The following FBXO4 variants were observed in gnomAD, a reference collection of about 807,000 sequenced individuals.
FBXO4 encodes the protein F-box protein 4.
In FBXO4, 36 loss-of-function variants were observed where a neutral mutation model predicts 43.7. The observed-to-expected ratio is 0.82, with a 90% confidence interval of 0.63 to 1.09. FBXO4 has a LOEUF of 1.09. FBXO4 is among the 50% of genes least tolerant of loss of function. The probability of loss-of-function intolerance (pLI) is 0.00; values close to 1 mark genes in which losing one functional copy is unlikely to be tolerated. For synonymous variants in FBXO4, 180 were observed against 165.6 expected (o/e 1.09, Z -0.67); for missense variants, 435 against 474.1 (o/e 0.92, Z 0.77).
At chr5:41,942,466 A>G (rs1249823057), downstream of FBXO4, among the ~76,000 whole-genome samples, 1 of 152,050 alleles carries the variant, frequency 6.6e-6, no homozygotes, top group Non-Finnish European at 1.5e-5. Context: ...AAGATATTAT[A>G]TCTGATGAAT....
chr5:41,982,375 A>C, the FBXO4 span, among the ~76,000 whole-genome samples: 44 of 152,250 alleles, frequency 2.9e-4, 1 homozygote, highest in African/African-American at 8.9e-4. Flanking sequence ...AACAGTGTAA[A>C]AGTGTTCCTA....
At chr5:42,007,596 ATC>A in the FBXO4 span, among the ~76,000 whole-genome samples, 1 of 152,124 alleles carries the variant, frequency 6.6e-6, no homozygotes, top group South Asian at 2.1e-4. Flanking sequence ...CCCTTGCTTA[ATC>A]TCTGTAGCTT....
chr5:42,008,520 C>A, the FBXO4 span, among the ~76,000 whole-genome samples: 6 of 152,084 alleles, frequency 3.9e-5, no homozygotes, highest in African/African-American at 1.2e-4. Context: ...CTAACTGTGA[C>A]CCCTGCTCCT....
the FBXO4 span, among the ~76,000 whole-genome samples, chr5:41,966,088 A>G: frequency 6.6e-6 from 1 of 152,182 alleles, no homozygotes; most frequent in African/African-American, 2.4e-5. Context: ...ATAGGTGGGA[A>G]TTGAACAATG....
the FBXO4 span, among the ~76,000 whole-genome samples, chr5:41,986,460 T>C: frequency 6.6e-6 from 1 of 152,108 alleles, no homozygotes; most frequent in Non-Finnish European, 1.5e-5. Flanking sequence ...TTTCAGAGAA[T>C]TTATTGGTTT....
At chr5:41,968,891 T>C in the FBXO4 span, among the ~76,000 whole-genome samples, 2 of 152,202 alleles carry the variant, frequency 1.3e-5, no homozygotes, top group African/African-American at 4.8e-5. Flanking sequence ...CATGGTATTC[T>C]TACATCTTAT....
the FBXO4 span, among the ~76,000 whole-genome samples, chr5:41,955,670 A>G: frequency 1.7e-4 from 26 of 152,326 alleles, no homozygotes; most frequent in African/African-American, 6.0e-4. Context: ...TACAAAAGAG[A>G]GTGCTGCCTA....
At chr5:41,945,949 C>G (rs569669457), downstream of FBXO4, among the ~76,000 whole-genome samples, 1 of 152,322 alleles carries the variant, frequency 6.6e-6, no homozygotes, top group East Asian at 1.9e-4. Flanking sequence ...GATGCACACA[C>G]TATATTGTAA....
At chr5:42,022,959 A>T in the FBXO4 span, among the ~76,000 whole-genome samples, 1 of 151,880 alleles carries the variant, frequency 6.6e-6, no homozygotes, top group Non-Finnish European at 1.5e-5. Context: ...TACAGGGTTT[A>T]AAAAAAATGA....
At chr5:42,008,614 C>G in the FBXO4 span, among the ~76,000 whole-genome samples, 1 of 152,056 alleles carries the variant, frequency 6.6e-6, no homozygotes, top group Non-Finnish European at 1.5e-5. Flanking sequence ...GGTTATATTG[C>G]CTCTTTGTGT....
the FBXO4 span, among the ~76,000 whole-genome samples, chr5:41,956,250 G>A: frequency 6.6e-6 from 1 of 152,116 alleles, no homozygotes; most frequent in Non-Finnish European, 1.5e-5. Context: ...ACATTAAATA[G>A]AAACATAGAA....
At chr5:41,968,895 A>G in the FBXO4 span, among the ~76,000 whole-genome samples, 1 of 152,172 alleles carries the variant, frequency 6.6e-6, no homozygotes, top group Non-Finnish European at 1.5e-5. Flanking sequence ...GTATTCTTAC[A>G]TCTTATGATT....
chr5:41,952,060 C>T, the FBXO4 span: 3 of 224,216 alleles, frequency 1.3e-5, no homozygotes, highest in East Asian at 1.2e-4. Context: ...CAGATGCTAT[C>T]ACTTTTTCTT....
At chr5:42,034,683 G>A in the FBXO4 span, among the ~76,000 whole-genome samples, 1 of 152,034 alleles carries the variant, frequency 6.6e-6, no homozygotes, top group Non-Finnish European at 1.5e-5. Context: ...TAGATGTATG[G>A]TGTTATTTCT....
chr5:41,967,832 A>C, the FBXO4 span: 1 of 597,598 alleles, frequency 1.7e-6, no homozygotes, highest in Non-Finnish European at 3.3e-6. Flanking sequence ...TCATTATTCA[A>C]TTTATTGATT....
At chr5:41,985,153 C>A in the FBXO4 span, among the ~76,000 whole-genome samples, 1 of 152,162 alleles carries the variant, frequency 6.6e-6, no homozygotes, top group African/African-American at 2.4e-5. Context: ...ATTTTTCTAT[C>A]GTCAAATCAG....
the FBXO4 span, among the ~76,000 whole-genome samples, chr5:42,014,264 T>C: frequency 6.6e-6 from 1 of 152,232 alleles, no homozygotes; most frequent in African/African-American, 2.4e-5. Flanking sequence ...CCCCATCTTC[T>C]GATTTTATTT....
At chr5:42,010,700 A>G in the FBXO4 span, among the ~76,000 whole-genome samples, 48 of 152,198 alleles carry the variant, frequency 3.2e-4, 1 homozygote, top group Non-Finnish European at 4.7e-4. Context: ...CAATTATCTT[A>G]GGTATATACC....
chr5:41,939,255 T>C, intron 5 of FBXO4, 186 bp from the exon 6 acceptor site: 1 of 487,158 alleles, frequency 2.1e-6, no homozygotes, highest in Non-Finnish European at 3.6e-6. Flanking sequence ...TGAAAGGAAC[T>C]ACCTGTATCA....
Sources: gnomAD v4.1 joint callset for allele counts (sites outside exome capture counted in the v4.1 genomes callset) on GRCh38, gnomAD v4.1.1 for gene constraint, MANE v1.5 for transcripts, NCBI Gene and HGNC (gene_info 2026-07-23, HGNC 2026-07-21) for gene names.